Variants in FH observed in about 807,000 individuals in gnomAD.
FH encodes fumarate hydratase, also known as fumarate hydratase, mitochondrial.
In FH, 22 loss-of-function variants were observed where a neutral mutation model predicts 49.4. The ratio of observed to expected loss-of-function variants is 0.45; its 90% confidence interval spans 0.32 to 0.64. FH has a LOEUF of 0.64. Among genes scored for constraint, FH ranks in the 30% least tolerant of loss-of-function variants. FH has a pLI of 0.05. For synonymous variants in FH, 208 were observed against 223.0 expected (o/e 0.93, Z 0.60); for missense variants, 526 against 641.5 (o/e 0.82, Z 1.95).
chr1:241,519,348 G>A, intron 1 of FH: 1 of 492,962 alleles, frequency 2.0e-6, no homozygotes, highest in African/African-American at 2.1e-5. Context: ...GGCCCAGTAG[G>A]ACCCTCTCTG....
intron 6 of FH, 51 bp from the exon 7 acceptor site, chr1:241,504,296 T>C (rs774312388): frequency 1.1e-5 from 16 of 1,513,562 alleles, no homozygotes; most frequent in Non-Finnish European, 1.5e-5. Context: ...AACTAAACAT[T>C]TTTCTACCAT....
Position 241,497,713 on chromosome 1 carries a change from C to A in FH, c.*115G>T, listed in dbSNP as rs200967217. 11 of 921,648 alleles carry A rather than the reference C, an allele frequency of 1.2e-5. No individual in the cohort carries two copies. The highest frequency in any genetic ancestry group is 5.0e-6 in the Non-Finnish European group (3 of 601,124). The allele number at this position is 921,648 out of a possible 1,614,324, so 57.1% of individuals were successfully genotyped here. A position where few individuals can be genotyped will look rare whatever the true frequency, so the allele number is the denominator to read the frequency against. The stretch of plus-strand genomic sequence containing the variant: ...TTTATATACTGATCAAATTGCTCTG[C>A]TAGAGATGCTTAAGTTCAATAGCAG... On this transcript the variant is annotated 3_prime_UTR_variant, in exon 10 of 10. Transcript: ENST00000366560.
chr1:241,508,502 G>C, intron 5 of FH, 101 bp downstream of exon 5: 1 of 930,488 alleles, frequency 1.1e-6, no homozygotes, highest in Non-Finnish European at 1.8e-6. Flanking sequence ...TGAAGTTTCC[G>C]GTTACAAATT....
chr1:241,504,836 C>T (rs761611941), intron 6 of FH, among the ~76,000 whole-genome samples: 4 of 151,868 alleles, frequency 2.6e-5, no homozygotes, highest in Non-Finnish European at 5.9e-5. Context: ...GTATATGATG[C>T]CTGACTATGC....
chr1:241,515,212 G>A (rs1660184381), intron 2 of FH, among the ~76,000 whole-genome samples: 1 of 152,096 alleles, frequency 6.6e-6, no homozygotes, highest in African/African-American at 2.4e-5. Flanking sequence ...ACATAATAAA[G>A]TTCAGAAAGT....
intron 2 of FH, among the ~76,000 whole-genome samples, chr1:241,515,315 C>A (rs1034972499): frequency 1.3e-5 from 2 of 152,062 alleles, no homozygotes; most frequent in African/African-American, 4.8e-5. Context: ...AGGAACCATG[C>A]CCCACCAGAA....
intron 4 of FH, among the ~76,000 whole-genome samples, chr1:241,509,434 T>C (rs1387485442): frequency 6.6e-6 from 1 of 152,144 alleles, no homozygotes; most frequent in Admixed American, 6.6e-5. Flanking sequence ...AGCCAGGTAG[T>C]ATATACTCAG....
chr1:241,511,758 A>G, intron 4 of FH: 2 of 550,708 alleles, frequency 3.6e-6, no homozygotes. Flanking sequence ...ATAAAAAAAT[A>G]CATACACTAA....
chr1:241,515,142 A>G (rs1203053518), intron 2 of FH, among the ~76,000 whole-genome samples: 1 of 152,214 alleles, frequency 6.6e-6, no homozygotes, highest in Non-Finnish European at 1.5e-5. Flanking sequence ...CTGGACCTCA[A>G]GTAAAAAGGG....
In FH at chr1:241,502,711, C is replaced by A. The variant is rs1239884161; in HGVS notation, c.1109-141G>T. 2.9e-6 allele frequency: 3 copies of A among 1,027,170 alleles called. No homozygotes were observed. The Admixed American group carries it at 6.1e-5, about 21-fold the overall frequency. 63.6% of individuals were successfully genotyped at this position (1,027,170 alleles called of 1,614,324 possible). On this transcript the variant is annotated intron_variant, in intron 7 of 9. Coordinates refer to ENST00000366560, the MANE Select transcript of FH (RefSeq NM_000143.4). ...CATCAGTGTAATTTAATGAAACAAACCAACCAAGGAAGGTGGGATGGGTAG... is the reference window on the plus strand; with the variant it reads ...CATCAGTGTAATTTAATGAAACAAAACAACCAAGGAAGGTGGGATGGGTAG...
At chr1:241,517,812 A>G (rs1476780683) in intron 1 of FH, among the ~76,000 whole-genome samples, 2 of 152,122 alleles carry the variant, frequency 1.3e-5, no homozygotes, top group Non-Finnish European at 2.9e-5. Flanking sequence ...TAAACACTAT[A>G]TATATGCCAT....
At chr1:241,502,338 T>C (rs760433637) in intron 8 of FH, 105 bp downstream of exon 8, 41 of 1,297,708 alleles carry the variant, frequency 3.2e-5, no homozygotes, top group Non-Finnish European at 2.7e-5. Context: ...GCTACTTATG[T>C]CACCCAACTA....
In FH at chr1:241,512,440, G is replaced by A. The variant is rs551828256; in HGVS notation, c.379-297C>T. On this transcript the variant is annotated intron_variant, in intron 3 of 9. Coordinates refer to ENST00000366560, the MANE Select transcript of FH (RefSeq NM_000143.4). ...TAGTCTCTAGATATATTTGTTGCTG[G>A]TGCTCAGCAGGAATATCCAACAGAT... Among the ~76,000 whole-genome samples the A allele has an allele frequency of 4.3e-4, 66 of 152,216 alleles. No homozygotes were observed. In the South Asian group the frequency reaches 0.013, roughly 31 times the overall value.
chr1:241,499,321 T>G (rs573758661), intron 9 of FH, among the ~76,000 whole-genome samples: 37 of 152,328 alleles, frequency 2.4e-4, no homozygotes, highest in African/African-American at 8.4e-4. Context: ...GATTTGCCAA[T>G]CATTCAACTT....
chr1:241,503,401 T>A (rs2994990), intron 7 of FH, among the ~76,000 whole-genome samples: 45,847 of 152,124 alleles, frequency 0.3, 7,294 homozygotes, highest in South Asian at 0.51. Flanking sequence ...CCTTTATGGA[T>A]CTCAGTTCTG....
chr1:241,511,982 A>G lies in FH; in HGVS notation c.540T>C (p.His180=), dbSNP rs766280573. 1.1e-5 allele frequency: 17 copies of G among 1,613,836 alleles called. No individual in the cohort carries two copies. The highest frequency in any genetic ancestry group is 1.4e-5 in the Non-Finnish European group (16 of 1,179,920). ...ACATACTGACCTGGCTTTTATTAACATGATCGTTGGGATGCACAGGTATCT... is the reference window on the plus strand; with the variant it reads ...ACATACTGACCTGGCTTTTATTAACGTGATCGTTGGGATGCACAGGTATCT... ...GSKIPVHPND[H]VNKSQSSNDT... The change falls in exon 4 of 10, where the codon CAT becomes CAC. Residue 180 remains histidine, a synonymous_variant. Transcript: ENST00000366560.
At chr1:241,499,342 C>A (rs1036291918) in intron 9 of FH, among the ~76,000 whole-genome samples, 1 of 152,098 alleles carries the variant, frequency 6.6e-6, no homozygotes, top group African/African-American at 2.4e-5. Flanking sequence ...TAGGAGACAC[C>A]TCTAATTTAA....
intron 8 of FH, 141 bp from the exon 9 acceptor site, chr1:241,500,731 C>T (rs1164548568): frequency 7.4e-6 from 9 of 1,222,570 alleles, no homozygotes; most frequent in South Asian, 1.5e-5. Flanking sequence ...AGATCTTCTA[C>T]AAATTTTAAG....
chr1:241,513,727 GA>G lies in FH; in HGVS notation c.268-15del, dbSNP rs1343862298. The G allele has an allele frequency of 6.2e-7, 1 of 1,601,410 alleles. No individual in the cohort carries two copies. Among genetic ancestry groups the G allele is most frequent in the Non-Finnish European group, 8.6e-7 (1 of 1,168,666 alleles). ...AATAACTGGGGTCTAAAATTAATCA[GA>G]AAAATATTTCAAATTTACAATTTTA... On this transcript the variant is annotated splice_polypyrimidine_tract_variant and intron_variant, in intron 2 of 9. Transcript: ENST00000366560.
Sources: allele counts gnomAD v4.1 joint callset (sites outside exome capture counted in the v4.1 genomes callset), GRCh38; gene constraint gnomAD v4.1.1; transcripts MANE v1.5; gene names NCBI Gene and HGNC (gene_info 2026-07-23, HGNC 2026-07-21).